Variants in IL15 observed in about 807,000 individuals in gnomAD.
IL15 encodes interleukin-15.
IL15 carries 11 observed loss-of-function variants against 19.6 expected under a neutral mutation model. That is an observed-to-expected ratio of 0.56 (90% confidence interval 0.35 to 0.93). IL15 has a LOEUF of 0.93. IL15 is among the 40% of genes least tolerant of loss of function. IL15 has a pLI of 0.01. For synonymous variants in IL15, 58 were observed against 59.6 expected (o/e 0.97, Z 0.12); for missense variants, 197 against 186.5 (o/e 1.06, Z -0.33).
chr4:141,693,995 G>T (rs927199816), intron 2 of IL15, among the ~76,000 whole-genome samples: 2 of 152,194 alleles, frequency 1.3e-5, no homozygotes, highest in East Asian at 3.9e-4. Flanking sequence ...AGAAAAACTG[G>T]TGATGTGGGA....
Position 141,703,030 on chromosome 4 carries a change from G to A in IL15, c.-99-16336G>A, listed in dbSNP as rs74363582. Among the ~76,000 whole-genome samples the A allele has an allele frequency of 3.9e-5, 6 of 152,324 alleles. No homozygotes were observed. The East Asian group carries it at 1.2e-3, about 29-fold the overall frequency. On this transcript the variant is annotated intron_variant, in intron 2 of 7. Transcript: ENST00000320650. Reference sequence around the variant, plus strand: ...CTATGCAGAAGATTTCACAAAGGGAGTGGGGAGTAGCCGGCAGCAGTAAGC... The same window carrying A: ...CTATGCAGAAGATTTCACAAAGGGAATGGGGAGTAGCCGGCAGCAGTAAGC...
intron 2 of IL15, chr4:141,715,098 G>A (rs767523973): frequency 9.2e-5 from 14 of 152,162 alleles, no homozygotes; most frequent in Non-Finnish European, 1.6e-4. Flanking sequence ...GTGTTCAGAG[G>A]AAAAGACTCA....
intron 1 of IL15, among the ~76,000 whole-genome samples, chr4:141,647,795 T>C (rs1287424991): frequency 2.0e-5 from 3 of 152,084 alleles, no homozygotes; most frequent in African/African-American, 7.2e-5. Flanking sequence ...GACACTATCT[T>C]TACCTCCTGT....
chr4:141,697,224 A>G (rs1729127187), intron 2 of IL15, among the ~76,000 whole-genome samples: 1 of 151,930 alleles, frequency 6.6e-6, no homozygotes, highest in African/African-American at 2.4e-5. Flanking sequence ...ATCCCTCTAT[A>G]TGTGGTTTGT....
chr4:141,724,671 A>C (rs140890331), intron 5 of IL15, among the ~76,000 whole-genome samples: 1 of 152,264 alleles, frequency 6.6e-6, no homozygotes, highest in East Asian at 1.9e-4. Flanking sequence ...ACTATGAACA[A>C]TTTTATGCTC....
intron 2 of IL15, among the ~76,000 whole-genome samples, chr4:141,673,701 G>T (rs1188356085): frequency 1.3e-5 from 2 of 152,096 alleles, no homozygotes; most frequent in African/African-American, 4.8e-5. Flanking sequence ...TCTGTAGTTT[G>T]CCACCTTTCC....
At chr4:141,728,012 AT>A in intron 6 of IL15, 28 bp downstream of exon 6, 1 of 1,100,406 alleles carries the variant, frequency 9.1e-7, no homozygotes, top group Non-Finnish European at 1.3e-6. Flanking sequence ...CAAAATTGCT[AT>A]TTGTCTTGTT....
chr4:141,698,504 C>G (rs566651098), intron 2 of IL15, among the ~76,000 whole-genome samples: 2 of 151,738 alleles, frequency 1.3e-5, no homozygotes, highest in African/African-American at 2.4e-5. Context: ...ATTACTGATT[C>G]AACCTGGCTG....
At position 141,697,306 on chromosome 4, in the gene IL15, G is replaced by A. The variant is rs185288649; in HGVS notation, c.-99-22060G>A. ...TTATGTTTTTGTAAACTTTGACAAAGATCAGATTGCTGTAACTATTTGGCT... is the reference window on the plus strand; with the variant it reads ...TTATGTTTTTGTAAACTTTGACAAAAATCAGATTGCTGTAACTATTTGGCT... On this transcript the variant is annotated intron_variant, in intron 2 of 7. Transcript: ENST00000320650. Among the ~76,000 whole-genome samples, 205 of 152,192 alleles carry A rather than the reference G, an allele frequency of 1.3e-3. 2 individuals are homozygous for A. Among genetic ancestry groups the A allele is most frequent in the Middle Eastern group, 3.4e-3 (1 of 294 alleles).
chr4:141,639,077 A>G (rs75860515), intron 1 of IL15, among the ~76,000 whole-genome samples: 143 of 152,350 alleles, frequency 9.4e-4, no homozygotes, highest in African/African-American at 2.9e-3. Context: ...TGTATCAGAC[A>G]TTGTTCTAAG....
chr4:141,684,345 C>G (rs1196372707), intron 2 of IL15, among the ~76,000 whole-genome samples: 1 of 152,092 alleles, frequency 6.6e-6, no homozygotes, highest in Non-Finnish European at 1.5e-5. Flanking sequence ...AGTTTTTATA[C>G]TAGCTGATGT....
At chr4:141,666,405 G>C (rs1371340021) in intron 2 of IL15, among the ~76,000 whole-genome samples, 1 of 152,130 alleles carries the variant, frequency 6.6e-6, no homozygotes, top group African/African-American at 2.4e-5. Flanking sequence ...AGCCAGCCTG[G>C]AGGGCGGTGG....
chr4:141,724,662 C>T (rs945767857), intron 5 of IL15, among the ~76,000 whole-genome samples: 102 of 152,164 alleles, frequency 6.7e-4, no homozygotes, highest in African/African-American at 2.4e-3. Context: ...ATAAGAAAAA[C>T]TATGAACAAT....
rs534942174 is a variant in IL15 at position 141,651,691 on chromosome 4, C to A, written c.-221-4495C>A. 2.6e-5 allele frequency among the ~76,000 whole-genome samples: 4 copies of A among 151,710 alleles called. No individual in the cohort carries two copies. In the East Asian group the frequency reaches 7.7e-4, roughly 29 times the overall value. On this transcript the variant is annotated intron_variant, in intron 1 of 7. Coordinates refer to ENST00000320650, the MANE Select transcript of IL15 (RefSeq NM_000585.5). ...TAATTTTCTATATTGTATTCCAACC[C>A]GGATGATATACATATATATTCGGTA...
At chr4:141,680,099 A>G (rs1244375207) in intron 2 of IL15, among the ~76,000 whole-genome samples, 1 of 152,172 alleles carries the variant, frequency 6.6e-6, no homozygotes, top group Admixed American at 6.5e-5. Context: ...AATGCAGGGG[A>G]AAACAGCTGT....
intron 1 of IL15, among the ~76,000 whole-genome samples, chr4:141,639,583 A>G (rs1319794631): frequency 6.6e-6 from 1 of 152,194 alleles, no homozygotes; most frequent in Non-Finnish European, 1.5e-5. Context: ...CTTCCATACA[A>G]CTAGAAGTCT....
intron 4 of IL15, chr4:141,721,265 G>A: frequency 1.4e-6 from 1 of 706,748 alleles, no homozygotes. Flanking sequence ...TTTTCCTCAA[G>A]CTCTAAGCAT....
At chr4:141,722,094 A>G in intron 5 of IL15, 86 bp downstream of exon 5, 3 of 1,378,236 alleles carry the variant, frequency 2.2e-6, no homozygotes, top group Non-Finnish European at 2.9e-6. Flanking sequence ...TCTTAAGGAA[A>G]CCACACTTGA....
intron 2 of IL15, among the ~76,000 whole-genome samples, chr4:141,697,861 T>G (rs1196452040): frequency 6.6e-6 from 1 of 152,106 alleles, no homozygotes; most frequent in Non-Finnish European, 1.5e-5. Context: ...TGGTCAGGAC[T>G]TCCAGTACTA....
Sources: allele counts gnomAD v4.1 joint callset (sites outside exome capture counted in the v4.1 genomes callset), GRCh38; gene constraint gnomAD v4.1.1; transcripts MANE v1.5; gene names NCBI Gene and HGNC (gene_info 2026-07-23, HGNC 2026-07-21).